The following CRACD variants were observed in gnomAD, a reference collection of about 807,000 sequenced individuals.
CRACD encodes the protein capping protein inhibiting regulator of actin dynamics.
A neutral mutation model predicts 106.8 loss-of-function variants in CRACD; 56 were observed. That is an observed-to-expected ratio of 0.52 (90% CI 0.42 to 0.66). The LOEUF is 0.66. Ranked by LOEUF, CRACD falls within the 30% of genes least tolerant of loss-of-function variation. The pLI, the probability that CRACD is intolerant of heterozygous loss-of-function variation, is 0.00. For missense variants in CRACD, 1,730 were observed against 1,623.2 expected (o/e 1.07, Z -1.13); for synonymous variants, 754 against 670.8 (o/e 1.12, Z -1.92).
At chr4:56,068,223 C>G (rs1732524847) in intron 1 of CRACD, among the ~76,000 whole-genome samples, 1 of 152,120 alleles carries the variant, frequency 6.6e-6, no homozygotes, top group African/African-American at 2.4e-5. Context: ...AGTAGAAGAG[C>G]AAGAAGTCCT....
chr4:56,316,400 GCCCACCAGTCAGAC>G lies in CRACD; in HGVS notation c.2907_2920del (p.Gln970IlefsTer28). 1 of 1,614,164 alleles carries G rather than the reference GCCCACCAGTCAGAC, an allele frequency of 6.2e-7. No homozygotes were observed. Among genetic ancestry groups the G allele is most frequent in the Non-Finnish European group, 8.5e-7 (1 of 1,179,982 alleles). On this transcript the variant is annotated frameshift_variant, in exon 8 of 11. Coordinates refer to ENST00000682029, the MANE Select transcript of CRACD (RefSeq NM_001393381.1). LOFTEE classifies it high-confidence loss of function. Reference sequence around the variant, plus strand: ...CACAAAAGCCAGCACTGGCTCCCAAGCCCACCAGTCAGACCCCACCAGCATCCCCACTTTCCAAA... The same window carrying G: ...CACAAAAGCCAGCACTGGCTCCCAAGCCCACCAGCATCCCCACTTTCCAAA...
chr4:56,132,124 A>G (rs1577682867), intron 1 of CRACD, among the ~76,000 whole-genome samples: 1 of 152,276 alleles, frequency 6.6e-6, no homozygotes, highest in African/African-American at 2.4e-5. Flanking sequence ...AGCTCCTGTA[A>G]CCTTTACCTT....
intron 1 of CRACD, among the ~76,000 whole-genome samples, chr4:56,118,687 C>T (rs1324598932): frequency 6.6e-6 from 1 of 152,012 alleles, no homozygotes. Context: ...TTGCTTGAGC[C>T]CAGGAGTTTA....
chr4:56,278,510 A>G (rs550331920), intron 3 of CRACD, among the ~76,000 whole-genome samples: 1 of 152,316 alleles, frequency 6.6e-6, no homozygotes, highest in East Asian at 1.9e-4. Context: ...TTAACTCAAA[A>G]TGGATCACAG....
chr4:56,153,928 C>G (rs971010251), intron 1 of CRACD, among the ~76,000 whole-genome samples: 1 of 152,212 alleles, frequency 6.6e-6, no homozygotes, highest in Non-Finnish European at 1.5e-5. Flanking sequence ...TCAGCCCATA[C>G]CTCGTTATTC....
At chr4:56,088,828 C>A (rs901523752) in intron 1 of CRACD, among the ~76,000 whole-genome samples, 1 of 152,126 alleles carries the variant, frequency 6.6e-6, no homozygotes, top group African/African-American at 2.4e-5. Flanking sequence ...CGGGTTCAAG[C>A]AATTCTCCTG....
chr4:56,158,707 C>T (rs55979409), intron 1 of CRACD, among the ~76,000 whole-genome samples: 5,848 of 152,228 alleles, frequency 0.038, 196 homozygotes, highest in Non-Finnish European at 0.057. Flanking sequence ...TGACAGCAAA[C>T]GACCACATCT....
intron 5 of CRACD, among the ~76,000 whole-genome samples, chr4:56,308,341 A>G (rs1486457465): frequency 1.3e-5 from 2 of 152,046 alleles, no homozygotes; most frequent in East Asian, 1.9e-4. Context: ...CACTTTGAGC[A>G]TATCCTGAAA....
At chr4:56,247,047 T>C (rs1279845337) in intron 2 of CRACD, among the ~76,000 whole-genome samples, 2 of 152,236 alleles carry the variant, frequency 1.3e-5, no homozygotes, top group South Asian at 2.1e-4. Context: ...ATAAGCTTTG[T>C]TGAGTGTGAG....
intron 3 of CRACD, among the ~76,000 whole-genome samples, chr4:56,284,643 T>C (rs931736724): frequency 6.6e-6 from 1 of 152,140 alleles, no homozygotes; most frequent in Admixed American, 6.6e-5. Context: ...GAGAATTGCT[T>C]GAACCCAGAA....
chr4:56,160,426 T>C (rs28515727), intron 1 of CRACD, among the ~76,000 whole-genome samples: 55,925 of 151,374 alleles, frequency 0.37, 10,432 homozygotes, highest in Middle Eastern at 0.43. Flanking sequence ...TCAAACAGTC[T>C]GCCCGCCTCA....
At chr4:56,109,452 G>T (rs13120985) in intron 1 of CRACD, among the ~76,000 whole-genome samples, 22,097 of 152,058 alleles carry the variant, frequency 0.15, 1,659 homozygotes, top group East Asian at 0.25. Context: ...TGAGGGGCCA[G>T]AGCAGCTAAA....
At chr4:56,160,729 C>T (rs1346034714) in intron 1 of CRACD, among the ~76,000 whole-genome samples, 1 of 152,190 alleles carries the variant, frequency 6.6e-6, no homozygotes, top group Non-Finnish European at 1.5e-5. Context: ...CTACCTTTCC[C>T]AGGTATTAAA....
At chr4:56,275,352 G>A (rs1333140552) in intron 3 of CRACD, among the ~76,000 whole-genome samples, 2 of 152,154 alleles carry the variant, frequency 1.3e-5, no homozygotes, top group Non-Finnish European at 2.9e-5. Context: ...CTGCTCGGGA[G>A]GCTGAGGCGG....
At chr4:56,322,535 C>A (rs1484115156) in intron 8 of CRACD, among the ~76,000 whole-genome samples, 1 of 152,188 alleles carries the variant, frequency 6.6e-6, no homozygotes, top group Non-Finnish European at 1.5e-5. Context: ...TGACCATGGG[C>A]ATGGCACTTG....
chr4:56,084,529 G>T (rs1733150306), intron 1 of CRACD, among the ~76,000 whole-genome samples: 1 of 151,984 alleles, frequency 6.6e-6, no homozygotes, highest in Non-Finnish European at 1.5e-5. Flanking sequence ...TTGACTTCTT[G>T]CCTTTTAGGA....
chr4:56,314,333 G>C lies in CRACD; in HGVS notation c.831G>C (p.Gln277His). ...QELLEEEGEG[Q>H]EPPLEAERAP... ...TCTTGGAGGAGGAGGGCGAGGGGCA[G>C]GAGCCGCCTCTAGAGGCGGAAAGGG... is the stretch of plus-strand genomic sequence containing the variant. The change falls in exon 8 of 11, where the codon CAG becomes CAC. Residue 277 changes from glutamine to histidine, a missense_variant. By Grantham distance (24) the Gln-to-His change is conservative. Transcript: ENST00000682029. The surrounding 1 kb of genome is among the most constrained non-coding windows in gnomAD (Gnocchi z 4.4). 2 of 1,550,608 alleles carry C rather than the reference G, an allele frequency of 1.3e-6. No individual in the cohort carries two copies. Among genetic ancestry groups the C allele is most frequent in the South Asian group, 1.2e-5 (1 of 84,074 alleles).
chr4:56,228,845 G>A (rs1455099864), intron 2 of CRACD, among the ~76,000 whole-genome samples: 2 of 152,058 alleles, frequency 1.3e-5, no homozygotes, highest in Non-Finnish European at 2.9e-5. Flanking sequence ...AGAATGATGG[G>A]CTAAAACCCA....
chr4:56,289,961 T>G (rs75712498), intron 3 of CRACD, among the ~76,000 whole-genome samples: 1,639 of 152,304 alleles, frequency 0.011, 30 homozygotes, highest in African/African-American at 0.037. Context: ...CATAAAGACT[T>G]GGGTCTTGGA....
Sources: allele counts gnomAD v4.1 joint callset (sites outside exome capture counted in the v4.1 genomes callset), GRCh38; gene constraint gnomAD v4.1.1; non-coding constraint Gnocchi (gnomAD v3.1); transcripts MANE v1.5; gene names NCBI Gene and HGNC (gene_info 2026-07-23, HGNC 2026-07-21).